Variants in PSD4 observed in about 807,000 individuals in gnomAD.
PSD4 encodes the protein PH and SEC7 domain-containing protein 4.
PSD4 carries 59 observed loss-of-function variants against 112.5 expected under a neutral mutation model. That is an observed-to-expected ratio of 0.52 (90% confidence interval 0.43 to 0.65). The LOEUF is 0.65. PSD4 is among the 30% of genes least tolerant of loss of function. The pLI is 0.00. For missense variants in PSD4, 1,267 were observed against 1,352.6 expected (o/e 0.94, Z 0.99); for synonymous variants, 533 against 540.0 (o/e 0.99, Z 0.18).
chr2:113,184,936 G>GTC (rs746009123), intron 2 of PSD4, 21 bp from the exon 3 acceptor site: 13 of 1,613,344 alleles, frequency 8.1e-6, no homozygotes, highest in Non-Finnish European at 1.1e-5. Flanking sequence ...TCTCTCCTCT[G>GTC]TCTCTCTCTC....
intron 16 of PSD4, among the ~76,000 whole-genome samples, chr2:113,200,068 T>A (rs1306131974): frequency 6.6e-6 from 1 of 152,134 alleles, no homozygotes; most frequent in African/African-American, 2.4e-5. Context: ...TCAAGTGGTC[T>A]GCCTGCCTCA....
At position 113,199,121 on chromosome 2, in the gene PSD4, T is replaced by G. The variant is rs1431378836; in HGVS notation, c.2808T>G (p.Ala936=). ...GATCCCACGAGAACTGCCTGGACGC[T>G]GCCGCGGACGACCTGCTGGATCTAC... ...QHRSHENCLD[A]AADDLLDLQR... The change falls in exon 16 of 17, where the codon GCT becomes GCG. Residue 936 remains alanine (A), a synonymous_variant. Transcript: ENST00000245796. The G allele has an allele frequency of 6.5e-7, 1 of 1,531,064 alleles. No homozygotes were observed. The highest frequency in any genetic ancestry group is 1.2e-5 in the South Asian group (1 of 82,710). The allele number at this position is 1,531,064 out of a possible 1,614,324, so 94.8% of individuals were successfully genotyped here.
intron 14 of PSD4, 149 bp from the exon 15 acceptor site, chr2:113,198,591 C>T: frequency 1.1e-6 from 1 of 928,202 alleles, no homozygotes; most frequent in Non-Finnish European, 1.5e-6. Context: ...GGTCAGAGGT[C>T]GGGTGCCCGG....
chr2:113,185,421 T>C lies in PSD4; in HGVS notation c.1230T>C (p.Thr410=). Residue 410 remains threonine, a synonymous_variant, in exon 4 of 17, where the codon ACT becomes ACC. Transcript: ENST00000245796. ...GAGGTCCTTTTTGGCCCCAGGTGAC[T>C]CTTAACTCCCAGGACAGAGGTGAGC... The part of the protein sequence containing the change: ...QRGGPFWPQV[T]LNSQDRDERE... 1 of 1,614,166 alleles carries C rather than the reference T, an allele frequency of 6.2e-7. No individual in the cohort carries two copies.
intron 12 of PSD4, chr2:113,197,316 A>G (rs1688639200): frequency 3.6e-6 from 2 of 559,182 alleles, no homozygotes; most frequent in South Asian, 2.0e-5. Context: ...ATGAATATCT[A>G]TATTTGGATG....
chr2:113,182,662 G>GACACC lies in PSD4; in HGVS notation c.206_207insACACC (p.Val70HisfsTer69), dbSNP rs1178300996. ...CAAAATGTTCCTCCCTGGGGCTCCG[G>GACACC]TGTGGAGCTCACACACCTGGGGAGC... On this transcript the variant is annotated frameshift_variant, in exon 2 of 17. Coordinates refer to ENST00000245796, the MANE Select transcript of PSD4 (RefSeq NM_012455.3). LOFTEE classifies it high-confidence loss of function. 6.2e-7 allele frequency: 1 copy of GACACC among 1,613,646 alleles called. No homozygotes were observed.
At chr2:113,199,033 C>A (rs1421409369) in intron 15 of PSD4, 50 bp from the exon 16 acceptor site, 1 of 1,511,152 alleles carries the variant, frequency 6.6e-7, no homozygotes, top group South Asian at 1.2e-5. Context: ...GCCCGGAAAG[C>A]GGCGGAGGGG....
chr2:113,175,987 T>C (rs1687963463), intron 1 of PSD4, among the ~76,000 whole-genome samples: 1 of 152,226 alleles, frequency 6.6e-6, no homozygotes, highest in African/African-American at 2.4e-5. Context: ...GTGGAGTTTT[T>C]CACCCAGAGC....
intron 10 of PSD4, 119 bp from the exon 11 acceptor site, chr2:113,195,608 A>G (rs1688585518): frequency 1.0e-6 from 1 of 969,790 alleles, no homozygotes; most frequent in African/African-American, 1.6e-5. Flanking sequence ...AAGGGCACCT[A>G]TGTTGTGGGT....
intron 4 of PSD4, 89 bp downstream of exon 4, chr2:113,185,529 T>C: frequency 6.2e-7 from 1 of 1,606,330 alleles, no homozygotes; most frequent in Non-Finnish European, 8.5e-7. Flanking sequence ...GGATCCATGG[T>C]TGCCATTAAT....
chr2:113,193,517 C>T (rs1394942751), intron 8 of PSD4, 75 bp from the exon 9 acceptor site: 5 of 1,533,072 alleles, frequency 3.3e-6, no homozygotes, highest in Non-Finnish European at 2.7e-6. Flanking sequence ...TCGGTTACCC[C>T]ACGCAGTGTG....
rs1187365557 is a variant in PSD4, at chr2:113,201,877, G to A, written c.*462G>A. ...CCAGCCAGGGGAGCCACAGCCCCAAGGATGGTCTTGCTCTGGGAATTAGGT... is the reference window on the plus strand; with the variant it reads ...CCAGCCAGGGGAGCCACAGCCCCAAAGATGGTCTTGCTCTGGGAATTAGGT... On this transcript the variant is annotated 3_prime_UTR_variant, in exon 17 of 17. Coordinates refer to ENST00000245796, the MANE Select transcript of PSD4 (RefSeq NM_012455.3). 1 of 165,554 alleles carries A rather than the reference G, an allele frequency of 6.0e-6. No homozygotes were observed. Among genetic ancestry groups the A allele is most frequent in the Non-Finnish European group, 1.3e-5 (1 of 75,336 alleles). 10.3% of individuals were successfully genotyped at this position (165,554 alleles called of 1,614,324 possible). A position where few individuals can be genotyped will look rare whatever the true frequency, so the allele number is the denominator to read the frequency against.
rs1364987263 is a variant in PSD4, at chr2:113,206,646, T to G, written c.*5231T>G. 1 of 152,260 alleles carries G rather than the reference T, an allele frequency of 6.6e-6. No individual in the cohort carries two copies. Among genetic ancestry groups the G allele is most frequent in the Non-Finnish European group, 1.5e-5 (1 of 68,048 alleles). 9.4% of individuals were successfully genotyped at this position (152,260 alleles called of 1,614,324 possible). A position where few individuals can be genotyped will look rare whatever the true frequency, so the allele number is the denominator to read the frequency against. On this transcript the variant is annotated 3_prime_UTR_variant, in exon 17 of 17. Transcript: ENST00000245796. ...CACTACTTATGTCACAAGGTCCTCA[T>G]GAAGATTAAGTGAAATTATGCACGT...
At chr2:113,184,346 T>TG (rs1287107554) in intron 2 of PSD4, among the ~76,000 whole-genome samples, 1 of 151,206 alleles carries the variant, frequency 6.6e-6, no homozygotes, top group Admixed American at 6.6e-5. Context: ...GTTAGGGCTG[T>TG]GCCTGTGGAG....
intron 8 of PSD4, 41 bp downstream of exon 8, chr2:113,193,411 T>C (rs1269731072): frequency 1.9e-6 from 3 of 1,589,704 alleles, no homozygotes; most frequent in East Asian, 2.2e-5. Context: ...AGGGAAACTT[T>C]GGGGTGCCCA....
rs192459191 is a variant in PSD4, at chr2:113,193,361, C to T, written c.2023C>T (p.Pro675Ser). ...CCACCATTGCAATCCGGGGATCTTC[C>T]CCTCAGTAGGTAGGGAGGGGCTGGC... Reference protein sequence around the residue: ...RFHHCNPGIFPSVDSVHTLTC... With the variant: ...RFHHCNPGIFSSVDSVHTLTC... The change falls in exon 8 of 17, where the codon CCC (proline) becomes TCC (serine). Residue 675 changes from proline to serine, a missense_variant. Pro to Ser is a moderately conservative substitution (Grantham distance 74). Coordinates refer to ENST00000245796, the MANE Select transcript of PSD4 (RefSeq NM_012455.3). 3.1e-6 allele frequency: 5 copies of T among 1,605,622 alleles called. No homozygotes were observed. Among genetic ancestry groups the T allele is most frequent in the African/African-American group, 1.3e-5 (1 of 74,194 alleles).
chr2:113,184,623 T>C (rs1021084624), intron 2 of PSD4, among the ~76,000 whole-genome samples: 2 of 152,134 alleles, frequency 1.3e-5, no homozygotes, highest in African/African-American at 4.8e-5. Flanking sequence ...TCCAAACACC[T>C]GGGCGTCCCA....
intron 14 of PSD4, 124 bp from the exon 15 acceptor site, chr2:113,198,616 G>T (rs1558657932): frequency 2.5e-6 from 3 of 1,213,376 alleles, no homozygotes; most frequent in East Asian, 2.8e-5. Context: ...TGGCAGGGCT[G>T]TAACTATGGG....
In PSD4 at chr2:113,198,819, G is replaced by T; in HGVS notation, c.2704G>T (p.Ala902Ser). The T allele has an allele frequency of 6.3e-7, 1 of 1,595,396 alleles. No individual in the cohort carries two copies. The highest frequency in any genetic ancestry group is 8.5e-7 in the Non-Finnish European group (1 of 1,175,494). Residue 902 changes from alanine (A) to serine (S), a missense_variant, in exon 15 of 17, where the codon GCT becomes TCT. By Grantham distance (99) the Ala-to-Ser change is moderately conservative. Transcript: ENST00000245796. The part of the protein sequence containing the change: ...ATHSAPPFPA[A>S]VGSQRRFVRP... Reference sequence around the variant, plus strand: ...GCACTCCGCGCCGCCCTTCCCCGCCGCTGTGGGCTCCCAGCGCAGATTCGT... The same window carrying T: ...GCACTCCGCGCCGCCCTTCCCCGCCTCTGTGGGCTCCCAGCGCAGATTCGT...
Sources: gnomAD v4.1 joint callset for allele counts (sites outside exome capture counted in the v4.1 genomes callset) on GRCh38, gnomAD v4.1.1 for gene constraint, MANE v1.5 for transcripts, NCBI Gene and HGNC (gene_info 2026-07-23, HGNC 2026-07-21) for gene names.